Variants in FAM90A20 observed in about 807,000 individuals in gnomAD.
The protein encoded by FAM90A20 is family with sequence similarity 90 member A20.
the FAM90A20 span, chr8:7,297,756 G>C: frequency 4.7e-6 from 7 of 1,478,228 alleles, 1 homozygote; most frequent in Admixed American, 1.2e-4. Context: ...GCCCAGGCCT[G>C]CACCATGTCC....
the FAM90A20 span, among the ~76,000 whole-genome samples, chr8:7,296,749 C>T: frequency 2.2e-5 from 3 of 135,950 alleles, 1 homozygote; most frequent in African/African-American, 7.0e-5. Flanking sequence ...ACCAACCTGC[C>T]TTCGGAAAGC....
the FAM90A20 span, chr8:7,297,710 C>A: frequency 1.6e-5 from 23 of 1,464,534 alleles, 2 homozygotes; most frequent in East Asian, 2.2e-5. Flanking sequence ...CAGCGTTGAA[C>A]GGCAGCCTCC....
At chr8:7,296,492 C>A in the FAM90A20 span, 5 of 657,768 alleles carry the variant, frequency 7.6e-6, no homozygotes, top group African/African-American at 2.6e-5. Flanking sequence ...AATCGGGGAA[C>A]CCCTCTTTCT....
the FAM90A20 span, chr8:7,296,394 G>C: frequency 2.0e-5 from 15 of 745,942 alleles, 3 homozygotes; most frequent in South Asian, 1.2e-4. Flanking sequence ...CTGATTATCT[G>C]AGGGTGAGTG....
At chr8:7,296,352 G>T in the FAM90A20 span, 53 of 744,336 alleles carry the variant, frequency 7.1e-5, 10 homozygotes, top group South Asian at 6.7e-4. Context: ...CAGAGAAGCC[G>T]CTGCCGAATG....
the FAM90A20 span, chr8:7,296,180 T>G: frequency 0.023 from 14,949 of 640,390 alleles, 1,551 homozygotes; most frequent in South Asian, 0.052. Flanking sequence ...GGCACCAGAT[T>G]TCCATTTCTG....
At chr8:7,296,520 G>A in the FAM90A20 span, 14 of 634,740 alleles carry the variant, frequency 2.2e-5, 1 homozygote, top group East Asian at 4.2e-4. Flanking sequence ...TTGGGGTCAG[G>A]GCCTCCACGA....
chr8:7,297,128 G>T, the FAM90A20 span: 3 of 1,515,888 alleles, frequency 2.0e-6, no homozygotes, highest in Non-Finnish European at 2.7e-6. Flanking sequence ...TGTCCTCTCT[G>T]GTCGCTCAGC....
chr8:7,295,750 C>T, the FAM90A20 span: 1 of 1,234,182 alleles, frequency 8.1e-7, no homozygotes, highest in Non-Finnish European at 1.1e-6. Flanking sequence ...GGAAGGAAAA[C>T]CTGAAACCAT....
chr8:7,296,050 G>T, the FAM90A20 span, among the ~76,000 whole-genome samples: 4 of 130,052 alleles, frequency 3.1e-5, no homozygotes, highest in Admixed American at 2.1e-4. Flanking sequence ...CTTCATGCAG[G>T]TTCCCCACGA....
At chr8:7,296,141 C>A in the FAM90A20 span, 1,917 of 579,842 alleles carry the variant, frequency 3.3e-3, 215 homozygotes, top group Non-Finnish European at 5.1e-3. Context: ...GGAAGGTTGG[C>A]ACGTGAGGGA....
the FAM90A20 span, chr8:7,297,528 C>G: frequency 1.6e-5 from 24 of 1,517,800 alleles, 3 homozygotes; most frequent in East Asian, 2.2e-5. Flanking sequence ...CCGATTCAGG[C>G]TTGCCTGAAC....
At chr8:7,297,160 C>G in the FAM90A20 span, 16 of 1,531,876 alleles carry the variant, frequency 1.0e-5, 2 homozygotes, top group South Asian at 1.8e-4. Flanking sequence ...CTGGCAGGGG[C>G]TCCGTCTTGG....
chr8:7,297,094 C>A, the FAM90A20 span: 7 of 1,508,098 alleles, frequency 4.6e-6, no homozygotes, highest in Admixed American at 1.7e-5. Flanking sequence ...TCCACACAAC[C>A]TGTAAGAGGC....
the FAM90A20 span, chr8:7,297,729 G>T: frequency 2.0e-5 from 30 of 1,495,284 alleles, no homozygotes; most frequent in Non-Finnish European, 2.7e-5. Context: ...CCGCACCGCA[G>T]ACCTTGCCTG....
the FAM90A20 span, among the ~76,000 whole-genome samples, chr8:7,296,587 T>C: frequency 7.4e-6 from 1 of 135,764 alleles, no homozygotes; most frequent in African/African-American, 3.5e-5. Flanking sequence ...GTATTTCCTG[T>C]GGCTTTCTTT....
At chr8:7,297,180 C>G in the FAM90A20 span, 4 of 1,537,850 alleles carry the variant, frequency 2.6e-6, no homozygotes, top group East Asian at 2.2e-5. Flanking sequence ...GCTTCACTGT[C>G]TCCCCTCAGA....
At chr8:7,295,790 C>G in the FAM90A20 span, 4 of 1,214,378 alleles carry the variant, frequency 3.3e-6, 1 homozygote, top group Admixed American at 5.3e-5. Context: ...CAACCCGGGG[C>G]CCTTGAACAA....
the FAM90A20 span, chr8:7,297,268 T>A: frequency 2.9e-5 from 41 of 1,401,620 alleles, 1 homozygote; most frequent in Non-Finnish European, 3.8e-5. Flanking sequence ...TCCCTCGGCC[T>A]GCAGTCAGGC....
Sources: allele counts gnomAD v4.1 joint callset (sites outside exome capture counted in the v4.1 genomes callset), GRCh38; gene constraint gnomAD v4.1.1; transcripts MANE v1.5; gene names NCBI Gene and HGNC (gene_info 2026-07-23, HGNC 2026-07-21).